The following DNAH7 variants were observed in gnomAD, a reference collection of about 807,000 sequenced individuals.
DNAH7 encodes dynein axonemal heavy chain 7.
A neutral mutation model predicts 444.6 loss-of-function variants in DNAH7; 397 were observed. The observed-to-expected ratio is 0.89, with a 90% CI of 0.82 to 0.97. DNAH7 has a LOEUF of 0.97. DNAH7 is among the 50% of genes least tolerant of loss of function. The pLI, the probability that DNAH7 is intolerant of heterozygous loss-of-function variation, is 0.00. For missense variants in DNAH7, 4,902 were observed against 4,800.8 expected (o/e 1.02, Z -0.62); for synonymous variants, 1,636 against 1,624.4 (o/e 1.01, Z -0.17).
chr2:195,919,475 G>T (rs2125338950), intron 24 of DNAH7, among the ~76,000 whole-genome samples: 1 of 152,046 alleles, frequency 6.6e-6, no homozygotes, highest in African/African-American at 2.4e-5. Context: ...CTCCTGAGTA[G>T]CTGGGACTAC....
chr2:195,881,996 T>C lies in DNAH7; in HGVS notation c.5764-4A>G. 5 of 1,611,054 alleles carry C rather than the reference T, an allele frequency of 3.1e-6. No individual in the cohort carries two copies. Among genetic ancestry groups the C allele is most frequent in the Non-Finnish European group, 4.2e-6 (5 of 1,177,874 alleles). On this transcript the variant is annotated splice_region_variant and splice_polypyrimidine_tract_variant and intron_variant, in intron 35 of 64. Transcript: ENST00000312428. ...ATGGTTCCCATTTTCCTATTCCCTGTTTATAATTAACAACCAAGTAATGAA... is the reference window on the plus strand; with the variant it reads ...ATGGTTCCCATTTTCCTATTCCCTGCTTATAATTAACAACCAAGTAATGAA...
rs566070957 is a variant in DNAH7, at chr2:195,863,660, C to T, written c.7506+489G>A. Among the ~76,000 whole-genome samples, 36 of 152,248 alleles carry T rather than the reference C, an allele frequency of 2.4e-4. No individual in the cohort carries two copies. In the South Asian group the frequency reaches 5.8e-3, roughly 25 times the overall value. On this transcript the variant is annotated intron_variant, in intron 41 of 64. Transcript: ENST00000312428. ...TTTTGATCCTCCCTTCCTTTCCAGC[C>T]GTAGCTGAGTTCTACGTTTCTGGTT... is the stretch of plus-strand genomic sequence containing the variant.
intron 21 of DNAH7, among the ~76,000 whole-genome samples, chr2:195,932,767 G>A (rs912511190): frequency 9.2e-5 from 14 of 152,152 alleles, no homozygotes; most frequent in Admixed American, 7.9e-4. Flanking sequence ...CAGGGATGAA[G>A]CCCACTTGAT....
intron 8 of DNAH7, among the ~76,000 whole-genome samples, chr2:196,020,465 T>C (rs1412079343): frequency 6.6e-6 from 1 of 152,210 alleles, no homozygotes; most frequent in Non-Finnish European, 1.5e-5. Context: ...ATTCAATTTT[T>C]CATATGTGGC....
At chr2:195,931,738 T>C (rs62201559) in intron 21 of DNAH7, among the ~76,000 whole-genome samples, 1,832 of 152,308 alleles carry the variant, frequency 0.012, 11 homozygotes, top group Middle Eastern at 0.031. Context: ...GTTGTAAATA[T>C]GTGGCATTAT....
In DNAH7 at chr2:195,922,124, C is replaced by T; in HGVS notation, c.3899G>A (p.Arg1300Lys). The T allele has an allele frequency of 6.2e-7, 1 of 1,612,718 alleles. No individual in the cohort carries two copies. Among genetic ancestry groups the T allele is most frequent in the Non-Finnish European group, 8.5e-7 (1 of 1,178,780 alleles). The change falls in exon 24 of 65, where the codon AGG becomes AAG. Residue 1300 changes from arginine (R) to lysine (K), a missense_variant. By Grantham distance (26) the Arg-to-Lys change is conservative. Coordinates refer to ENST00000312428, the MANE Select transcript of DNAH7 (RefSeq NM_018897.3). Reference sequence around the variant, plus strand: ...ATCCGTGAGTGGTGTAATAACCAGCCTAGGGGAATTACCCAGATATTCATA... The same window carrying T: ...ATCCGTGAGTGGTGTAATAACCAGCTTAGGGGAATTACCCAGATATTCATA... ...YGYEYLGNSP[R>K]LVITPLTDRC...
chr2:195,929,124 C>T (rs1688528159), intron 21 of DNAH7, among the ~76,000 whole-genome samples: 1 of 152,010 alleles, frequency 6.6e-6, no homozygotes, highest in East Asian at 1.9e-4. Flanking sequence ...CCATTCACAA[C>T]AGCCACAGAC....
intron 19 of DNAH7, among the ~76,000 whole-genome samples, chr2:195,953,328 C>T (rs904828949): frequency 1.3e-5 from 2 of 152,132 alleles, no homozygotes; most frequent in South Asian, 2.1e-4. Context: ...GAGGGGCACC[C>T]GCCAGATGCC....
intron 10 of DNAH7, among the ~76,000 whole-genome samples, chr2:196,006,517 C>T (rs1694383961): frequency 6.7e-6 from 1 of 150,320 alleles, no homozygotes; most frequent in African/African-American, 2.4e-5. Context: ...TGCTTCTATT[C>T]AACATTGTAC....
At chr2:195,802,772 G>A (rs770519716) in intron 54 of DNAH7, among the ~76,000 whole-genome samples, 83 of 152,222 alleles carry the variant, frequency 5.5e-4, no homozygotes, top group South Asian at 1.5e-3. Context: ...TTGTGTTGTG[G>A]TAAGGTCAGG....
At chr2:195,986,250 C>T (rs776868846) in intron 14 of DNAH7, among the ~76,000 whole-genome samples, 2 of 152,168 alleles carry the variant, frequency 1.3e-5, no homozygotes, top group Non-Finnish European at 2.9e-5. Flanking sequence ...GTGTCTATTT[C>T]TCCTTCTACA....
intron 40 of DNAH7, among the ~76,000 whole-genome samples, chr2:195,871,840 A>T (rs1700715746): frequency 8.9e-6 from 1 of 111,852 alleles, no homozygotes; most frequent in Non-Finnish European, 1.7e-5. Flanking sequence ...CTTAGGCAGG[A>T]GAATGGCGTG....
chr2:196,030,487 A>G (rs149399023), intron 5 of DNAH7, among the ~76,000 whole-genome samples: 144 of 152,334 alleles, frequency 9.5e-4, no homozygotes, highest in African/African-American at 3.4e-3. Flanking sequence ...ACGGTCTCCT[A>G]AAGTCTTAAC....
At chr2:196,049,204 ACT>A (rs1559369532) in intron 3 of DNAH7, among the ~76,000 whole-genome samples, 1 of 151,810 alleles carries the variant, frequency 6.6e-6, no homozygotes, top group East Asian at 1.9e-4. Context: ...GCCTAGTTTT[ACT>A]CTCCCTAATC....
chr2:195,997,605 C>T (rs955031763), intron 12 of DNAH7, among the ~76,000 whole-genome samples: 1 of 152,030 alleles, frequency 6.6e-6, no homozygotes, highest in Non-Finnish European at 1.5e-5. Context: ...TAAAGCATAT[C>T]ACATTAAATC....
At chr2:195,900,222 C>CCA in intron 28 of DNAH7, 60 bp downstream of exon 28, 1 of 1,532,294 alleles carries the variant, frequency 6.5e-7, no homozygotes, top group Non-Finnish European at 9.0e-7. Context: ...CTCTGAAGAC[C>CCA]CATTAGGCTG....
chr2:195,884,449 G>T, intron 35 of DNAH7, 136 bp downstream of exon 35: 1 of 660,534 alleles, frequency 1.5e-6, no homozygotes, highest in Non-Finnish European at 2.6e-6. Flanking sequence ...TCAAGCCAGT[G>T]CATCTTCCTC....
chr2:195,927,489 G>A (rs906179174), intron 21 of DNAH7, among the ~76,000 whole-genome samples: 2 of 151,796 alleles, frequency 1.3e-5, no homozygotes, highest in African/African-American at 2.4e-5. Flanking sequence ...ATGGACAGCT[G>A]AGGGATGAGA....
intron 47 of DNAH7, among the ~76,000 whole-genome samples, chr2:195,837,777 T>C (rs1385263448): frequency 6.6e-6 from 1 of 152,106 alleles, no homozygotes; most frequent in Non-Finnish European, 1.5e-5. Flanking sequence ...CAAAAACCTG[T>C]CTCTCTGGAC....
Sources: allele counts gnomAD v4.1 joint callset (sites outside exome capture counted in the v4.1 genomes callset), GRCh38; gene constraint gnomAD v4.1.1; transcripts MANE v1.5; gene names NCBI Gene and HGNC (gene_info 2026-07-23, HGNC 2026-07-21).